SH3TC1: variants seen among roughly 807,000 people sequenced by gnomAD.
The protein encoded by SH3TC1 is SH3 domain and tetratricopeptide repeats 1.
In SH3TC1, 135 loss-of-function variants were observed where a neutral mutation model predicts 117.3. The ratio of observed to expected loss-of-function variants is 1.15; its 90% confidence interval spans 1.00 to 1.33. The LOEUF is 1.33. SH3TC1 is among the 40% of genes most tolerant of loss of function. SH3TC1 has a pLI of 0.00. For synonymous variants in SH3TC1, 898 were observed against 816.9 expected, an observed-to-expected ratio of 1.10 and a Z score of -1.69; for missense variants, 2,092 against 1,794.3, an observed-to-expected ratio of 1.17 and a Z score of -3.00.
chr4:8,217,224 C>T, intron 7 of SH3TC1, 57 bp downstream of exon 7: 2 of 1,546,620 alleles, frequency 1.3e-6, no homozygotes, highest in South Asian at 2.4e-5. Context: ...ACTCCCAGGC[C>T]CGGGTCATCT....
chr4:8,232,600 C>T (rs746916160), intron 13 of SH3TC1: 24 of 1,345,934 alleles, frequency 1.8e-5, no homozygotes, highest in African/African-American at 1.5e-5. Context: ...CACCTGCTTC[C>T]CTGGGGCAGG....
intron 13 of SH3TC1, 43 bp from the exon 14 acceptor site, chr4:8,233,320 G>A: frequency 6.4e-7 from 1 of 1,565,142 alleles, no homozygotes; most frequent in Non-Finnish European, 8.7e-7. Context: ...ACTGGTTCCA[G>A]GAGGATGACA....
At chr4:8,202,812 C>T (rs1717927740) in intron 1 of SH3TC1, among the ~76,000 whole-genome samples, 1 of 152,212 alleles carries the variant, frequency 6.6e-6, no homozygotes, top group Non-Finnish European at 1.5e-5. Flanking sequence ...CCTCACGGAA[C>T]CATCACTATT....
intron 4 of SH3TC1, among the ~76,000 whole-genome samples, chr4:8,213,776 T>C (rs969275362): frequency 6.6e-6 from 1 of 151,848 alleles, no homozygotes; most frequent in Non-Finnish European, 1.5e-5. Flanking sequence ...GGTGTGCACC[T>C]GTGGGAGAGT....
rs1233699062 is a variant in SH3TC1, at chr4:8,210,930, CT to C, written c.247+1109del. Among the ~76,000 whole-genome samples, 4 of 151,696 alleles carry C rather than the reference CT, an allele frequency of 2.6e-5. No homozygotes were observed. The highest frequency in any genetic ancestry group is 4.4e-5 in the Non-Finnish European group (3 of 67,962). ...CTCAAGGGTCCCCTAGCAGAAAACT[CT>C]CAGGCAGGTGCTTTAAGCTTATTCA... On this transcript the variant is annotated intron_variant, in intron 3 of 17. Coordinates refer to ENST00000245105, the MANE Select transcript of SH3TC1 (RefSeq NM_018986.5). The surrounding 1 kb of genome is among the most constrained non-coding windows in gnomAD (Gnocchi z 4.1).
intron 9 of SH3TC1, among the ~76,000 whole-genome samples, chr4:8,219,880 G>A (rs528024699): frequency 2.6e-5 from 4 of 152,274 alleles, no homozygotes; most frequent in South Asian, 2.1e-4. Flanking sequence ...TAAAACCAAG[G>A]CCAGAAGGGC....
rs1721409125 is a variant in SH3TC1 at position 8,233,235 on chromosome 4, A to G, written c.3132-128A>G. On this transcript the variant is annotated intron_variant, in intron 13 of 17. Transcript: ENST00000245105. ...CTCTCAGCAGCCCGGGAAGGGCAGG[A>G]CACTGCACACACAAGAGGGCCGTTC... 16 of 1,448,564 alleles carry G rather than the reference A, an allele frequency of 1.1e-5. No individual in the cohort carries two copies. The South Asian group carries it at 2.2e-4, about 20-fold the overall frequency. The allele number at this position is 1,448,564 out of a possible 1,614,324, so 89.7% of individuals were successfully genotyped here.
intron 9 of SH3TC1, among the ~76,000 whole-genome samples, chr4:8,220,331 C>A (rs1200924784): frequency 6.6e-6 from 1 of 152,116 alleles, no homozygotes; most frequent in Non-Finnish European, 1.5e-5. Flanking sequence ...TGGGATGCCC[C>A]CTCTCCCTGA....
At chr4:8,184,256 C>T (rs1294189685) in intron 1 of SH3TC1, among the ~76,000 whole-genome samples, 1 of 152,246 alleles carries the variant, frequency 6.6e-6, no homozygotes, top group Non-Finnish European at 1.5e-5. Flanking sequence ...CAATCTGTAA[C>T]CGCCCACTCC....
At position 8,232,631 on chromosome 4, in the gene SH3TC1, A is replaced by G. The variant is rs897050622; in HGVS notation, c.3131+475A>G. 5 of 1,313,180 alleles carry G rather than the reference A, an allele frequency of 3.8e-6. No individual in the cohort carries two copies. The Admixed American group carries it at 8.7e-5, about 23-fold the overall frequency. The allele number at this position is 1,313,180 out of a possible 1,614,324, so 81.3% of individuals were successfully genotyped here. A position where few individuals can be genotyped will look rare whatever the true frequency, so the allele number is the denominator to read the frequency against. ...GCAGGGTTTCAAGGTCTCACATCCCACATGTGGCCCACTTGGCTCTCCTGG... is the reference window on the plus strand; with the variant it reads ...GCAGGGTTTCAAGGTCTCACATCCCGCATGTGGCCCACTTGGCTCTCCTGG... On this transcript the variant is annotated intron_variant, in intron 13 of 17. Transcript: ENST00000245105.
chr4:8,232,560 C>G, intron 13 of SH3TC1: 9 of 1,361,598 alleles, frequency 6.6e-6, no homozygotes, highest in Non-Finnish European at 8.8e-6. Context: ...CCTGTGGCTT[C>G]TCTCCCACAG....
intron 15 of SH3TC1, 48 bp downstream of exon 15, chr4:8,235,603 T>C (rs1560116469): frequency 6.6e-7 from 1 of 1,510,434 alleles, no homozygotes. Flanking sequence ...GGGGGGCACC[T>C]TGAGGGCTGA....
rs1002592255 is a variant in SH3TC1 at position 8,190,898 on chromosome 4, T to C, written c.-57+8688T>C. 1.3e-5 allele frequency among the ~76,000 whole-genome samples: 2 copies of C among 151,752 alleles called. No homozygotes were observed. The highest frequency in any genetic ancestry group is 2.9e-5 in the Non-Finnish European group (2 of 67,890). On this transcript the variant is annotated intron_variant, in intron 1 of 16. Coordinates refer to the SH3TC1 transcript ENST00000508641. This position sits in a 1 kb window ranked among gnomAD's most constrained non-coding sequence, Gnocchi z 4.7. ...CTCAAGCGATCCTCCTGCCTCGGCC[T>C]CCTAAAGTGCTAGGATTACAGGCGT...
At chr4:8,233,085 A>C in intron 13 of SH3TC1, 1 of 1,284,720 alleles carries the variant, frequency 7.8e-7, no homozygotes, top group Non-Finnish European at 9.9e-7. Flanking sequence ...GAGAAGACAC[A>C]GGCCATGTCT....
chr4:8,228,424 G>T lies in SH3TC1; in HGVS notation c.2730G>T (p.Gly910=). The T allele has an allele frequency of 6.2e-7, 1 of 1,605,820 alleles. No homozygotes were observed. Among genetic ancestry groups the T allele is most frequent in the Non-Finnish European group, 8.5e-7 (1 of 1,175,868 alleles). ...RNQAVGLANF[G]ALCLHAGASR... ...AGGCAGTGGGGCTGGCCAACTTCGGGGCCCTGTGCCTGCATGCGGGTGCCA... is the reference window on the plus strand; with the variant it reads ...AGGCAGTGGGGCTGGCCAACTTCGGTGCCCTGTGCCTGCATGCGGGTGCCA... Residue 910 remains glycine, a synonymous_variant, in exon 12 of 18, where the codon GGG becomes GGT. Transcript: ENST00000245105.
In SH3TC1 at chr4:8,201,883, C is replaced by T. The variant is rs190355422; in HGVS notation, c.-29+2478C>T. Among the ~76,000 whole-genome samples the T allele has an allele frequency of 6.7e-3, 1,015 of 152,216 alleles. 9 individuals are homozygous for T. The highest frequency in any genetic ancestry group is 0.023 in the African/African-American group (958 of 41,522). On this transcript the variant is annotated intron_variant, in intron 1 of 17. Coordinates refer to ENST00000245105, the MANE Select transcript of SH3TC1 (RefSeq NM_018986.5). ...GGCAGGCAGGTGTCCCGGGCATCAG[C>T]CAGTGGATGGAGAGAGGCTGCTGGG...
intron 8 of SH3TC1, 151 bp downstream of exon 8, chr4:8,218,498 A>G (rs560359933): frequency 1.8e-6 from 1 of 561,506 alleles, no homozygotes; most frequent in Non-Finnish European, 3.1e-6. Context: ...TATTGCTTTC[A>G]ATGGCAAAAA....
chr4:8,227,755 C>A lies in SH3TC1; in HGVS notation c.2061C>A (p.Phe687Leu). ...AGCAGCCCGAGGAGGCCCTGCCCTT[C>A]CTAGAGCGGCTGCTGCTTTTGCACA... ...HLKQPEEALP[F>L]LERLLLLHRD... The change falls in exon 12 of 18, where the codon TTC becomes TTA. Residue 687 changes from phenylalanine (F) to leucine (L), a missense_variant. By Grantham distance (22) the Phe-to-Leu change is conservative (BLOSUM62 0). Coordinates refer to ENST00000245105, the MANE Select transcript of SH3TC1 (RefSeq NM_018986.5). 1 of 1,611,402 alleles carries A rather than the reference C, an allele frequency of 6.2e-7. No individual in the cohort carries two copies.
Position 8,225,063 on chromosome 4 carries a change from T to C in SH3TC1, c.1244-112T>C. 1 of 1,306,800 alleles carries C rather than the reference T, an allele frequency of 7.7e-7. No homozygotes were observed. Among genetic ancestry groups the C allele is most frequent in the South Asian group, 1.3e-5 (1 of 77,912 alleles). 81.0% of individuals were successfully genotyped at this position (1,306,800 alleles called of 1,614,324 possible). A position where few individuals can be genotyped will look rare whatever the true frequency, so the allele number is the denominator to read the frequency against. On this transcript the variant is annotated intron_variant, in intron 10 of 17. Transcript: ENST00000245105. This position sits in a 1 kb window ranked among gnomAD's most constrained non-coding sequence, Gnocchi z 5.5. ...CACCCTGCAACATCTCAGCCCTCAATACCTGCACCCAGCAATGCTCTCACC... is the reference window on the plus strand; with the variant it reads ...CACCCTGCAACATCTCAGCCCTCAACACCTGCACCCAGCAATGCTCTCACC...
Sources: gnomAD v4.1 joint callset for allele counts (sites outside exome capture counted in the v4.1 genomes callset) on GRCh38, gnomAD v4.1.1 for gene constraint, Gnocchi (gnomAD v3.1) non-coding constraint, MANE v1.5 for transcripts, NCBI Gene and HGNC (gene_info 2026-07-23, HGNC 2026-07-21) for gene names.